TBC1D22A: variants seen among roughly 807,000 people sequenced by gnomAD.
TBC1D22A encodes the protein TBC1 domain family member 22A.
A neutral mutation model predicts 60.2 loss-of-function variants in TBC1D22A; 38 were observed. The ratio of observed to expected loss-of-function variants is 0.63; its 90% CI spans 0.49 to 0.83. The LOEUF (loss-of-function observed/expected upper bound fraction) is 0.83, where lower values mean the gene tolerates loss of function less well. Ranked by LOEUF, TBC1D22A falls within the 40% of genes least tolerant of loss-of-function variation. The pLI is 0.00. For synonymous variants in TBC1D22A, 302 were observed against 281.7 expected, an observed-to-expected ratio of 1.07 and a Z score of -0.72; for missense variants, 628 against 701.0, an observed-to-expected ratio of 0.90 and a Z score of 1.18.
chr22:46,915,820 G>C, intron 8 of TBC1D22A: 1 of 456,624 alleles, frequency 2.2e-6, no homozygotes, highest in Non-Finnish European at 4.4e-6. Context: ...ACGGGAGGTG[G>C]GGAATCCTGG....
At chr22:46,921,996 A>T (rs5769248) in intron 8 of TBC1D22A, among the ~76,000 whole-genome samples, 3 of 152,052 alleles carry the variant, frequency 2.0e-5, no homozygotes, top group African/African-American at 7.2e-5. Context: ...ATTTCCTTAC[A>T]TTATCTTACA....
intron 4 of TBC1D22A, among the ~76,000 whole-genome samples, chr22:46,849,855 G>T (rs1482839470): frequency 1.3e-5 from 2 of 152,202 alleles, no homozygotes; most frequent in African/African-American, 4.8e-5. Context: ...TGTGTGGCTG[G>T]TGGATTGCCG....
rs377186752 is a variant in TBC1D22A, at chr22:46,827,555, C to T, written c.637+29935C>T. 9.8e-5 allele frequency among the ~76,000 whole-genome samples: 15 copies of T among 152,312 alleles called. No homozygotes were observed. The East Asian group carries it at 2.3e-3, about 23-fold the overall frequency. On this transcript the variant is annotated intron_variant, in intron 4 of 12. Transcript: ENST00000337137. ...GGTATTTTATAAGTCGTAGTCTTCT[C>T]GTATCAAAACGAGTCCTGGCCGCCA...
chr22:47,016,741 C>G (rs1488696779), intron 10 of TBC1D22A, among the ~76,000 whole-genome samples: 12 of 152,250 alleles, frequency 7.9e-5, no homozygotes, highest in Non-Finnish European at 1.2e-4. Flanking sequence ...TGCTGCGCTT[C>G]CAGTCACAGC....
chr22:47,169,392 A>G (rs7291301), intron 12 of TBC1D22A, among the ~76,000 whole-genome samples: 54,806 of 152,050 alleles, frequency 0.36, 12,263 homozygotes, highest in East Asian at 0.72. Flanking sequence ...CCCTCTCCCC[A>G]GGCCCCACCT....
chr22:46,797,323 C>A, intron 3 of TBC1D22A, 121 bp from the exon 4 acceptor site: 1 of 1,107,948 alleles, frequency 9.0e-7, no homozygotes, highest in Non-Finnish European at 1.3e-6. Context: ...AAGGTCCCCA[C>A]TGCTGAGTGA....
rs187212410 is a variant in TBC1D22A, at chr22:47,137,149, A to C, written c.1425+25546A>C. Among the ~76,000 whole-genome samples the C allele has an allele frequency of 5.9e-5, 9 of 152,292 alleles. No individual in the cohort carries two copies. The East Asian group carries it at 1.5e-3, about 26-fold the overall frequency. On this transcript the variant is annotated intron_variant, in intron 12 of 12. Coordinates refer to ENST00000337137, the MANE Select transcript of TBC1D22A (RefSeq NM_014346.5). ...AGCCCTGGATCTGTACGGTGTGTTC[A>C]TTTCGTTACCCTAATTAGTTTGAGG...
At chr22:46,826,281 G>A (rs912705487) in intron 4 of TBC1D22A, among the ~76,000 whole-genome samples, 3 of 152,118 alleles carry the variant, frequency 2.0e-5, no homozygotes, top group Admixed American at 2.0e-4. Context: ...TGTTTGGCTG[G>A]GCCACACTTT....
At chr22:47,062,747 A>G (rs911830595) in intron 11 of TBC1D22A, among the ~76,000 whole-genome samples, 2 of 152,320 alleles carry the variant, frequency 1.3e-5, no homozygotes, top group South Asian at 2.1e-4. Flanking sequence ...CTGTGAGCCA[A>G]ACCATTGTTA....
chr22:46,926,137 A>C (rs1225260644), intron 8 of TBC1D22A, among the ~76,000 whole-genome samples: 1 of 152,252 alleles, frequency 6.6e-6, no homozygotes, highest in Non-Finnish European at 1.5e-5. Flanking sequence ...AAAACACAAT[A>C]TATCAGCACT....
intron 4 of TBC1D22A, among the ~76,000 whole-genome samples, chr22:46,834,789 A>ATATGCCTCCAGCATTCTG: frequency 6.6e-6 from 1 of 152,182 alleles, no homozygotes; most frequent in Non-Finnish European, 1.5e-5. Flanking sequence ...CCTAGCCCAC[A>ATATGCCTCCAGCATTCTG]TATGCCTCCA....
intron 8 of TBC1D22A, among the ~76,000 whole-genome samples, chr22:46,960,251 C>T (rs1466732752): frequency 6.6e-6 from 1 of 151,998 alleles, no homozygotes; most frequent in Non-Finnish European, 1.5e-5. Flanking sequence ...GTAGGAGGTA[C>T]AGTGTTGGAC....
At chr22:46,814,996 C>A (rs2085533071) in intron 4 of TBC1D22A, among the ~76,000 whole-genome samples, 1 of 152,182 alleles carries the variant, frequency 6.6e-6, no homozygotes, top group South Asian at 2.1e-4. Context: ...ATGACACTAA[C>A]TTTCTTTGAA....
intron 9 of TBC1D22A, among the ~76,000 whole-genome samples, chr22:46,995,247 G>A (rs952738328): frequency 3.3e-5 from 5 of 152,162 alleles, no homozygotes; most frequent in Admixed American, 6.5e-5. Context: ...GGGCCTTGGC[G>A]TCATTCTAAG....
At chr22:46,806,167 C>T (rs1161764037) in intron 4 of TBC1D22A, among the ~76,000 whole-genome samples, 1 of 152,150 alleles carries the variant, frequency 6.6e-6, no homozygotes, top group Non-Finnish European at 1.5e-5. Flanking sequence ...CCTCTTATCA[C>T]ATTTACCCCA....
intron 4 of TBC1D22A, among the ~76,000 whole-genome samples, chr22:46,857,761 C>T (rs757398312): frequency 7.9e-5 from 12 of 152,120 alleles, no homozygotes; most frequent in Non-Finnish European, 1.2e-4. Flanking sequence ...AACTGGCTCC[C>T]GTTCCCTCGC....
At chr22:47,085,011 G>A (rs1383524641) in intron 11 of TBC1D22A, among the ~76,000 whole-genome samples, 1 of 152,204 alleles carries the variant, frequency 6.6e-6, no homozygotes, top group African/African-American at 2.4e-5. Flanking sequence ...CAGGCATGGT[G>A]GCTCACACCT....
chr22:46,985,917 C>T (rs914270581), intron 9 of TBC1D22A, among the ~76,000 whole-genome samples: 7 of 152,166 alleles, frequency 4.6e-5, no homozygotes, highest in African/African-American at 1.7e-4. Flanking sequence ...CTTCTATGAG[C>T]CAACAGTTTC....
intron 10 of TBC1D22A, among the ~76,000 whole-genome samples, chr22:47,002,100 T>C (rs111751595): frequency 6.6e-6 from 1 of 152,364 alleles, no homozygotes; most frequent in African/African-American, 2.4e-5. Flanking sequence ...TCGCACCAAT[T>C]ATTTAGTAAT....
Sources: gnomAD v4.1 joint callset for allele counts (sites outside exome capture counted in the v4.1 genomes callset) on GRCh38, gnomAD v4.1.1 for gene constraint, MANE v1.5 for transcripts, NCBI Gene and HGNC (gene_info 2026-07-23, HGNC 2026-07-21) for gene names.